The following CPLANE1 variants were observed in gnomAD, a reference collection of about 807,000 sequenced individuals.
CPLANE1 encodes ciliogenesis and planar polarity effector 1.
CPLANE1 carries 263 observed loss-of-function variants against 362.5 expected under a neutral mutation model. The observed-to-expected ratio is 0.73, with a 90% CI of 0.66 to 0.80. The LOEUF is 0.80. CPLANE1 is among the 30% of genes least tolerant of loss of function. The probability of loss-of-function intolerance (pLI) is 0.00; values close to 1 mark genes in which losing one functional copy is unlikely to be tolerated. For missense variants in CPLANE1, 3,461 were observed against 3,793.4 expected (o/e 0.91, Z 2.30); for synonymous variants, 1,212 against 1,302.6 (o/e 0.93, Z 1.50).
Position 37,147,212 on chromosome 5 carries a change from T to C in CPLANE1, c.8461+969A>G, listed in dbSNP as rs994896681. On this transcript the variant is annotated intron_variant, in intron 43 of 52. Transcript: ENST00000651892. ...AACCAACAGAAAATGTTTGGCCTCT[T>C]CAAATAAATGTGGAACATAATGTAA... Among the ~76,000 whole-genome samples, 9 of 152,298 alleles carry C rather than the reference T, an allele frequency of 5.9e-5. No individual in the cohort carries two copies. In the East Asian group the frequency reaches 1.2e-3, roughly 20 times the overall value.
the CPLANE1 span, among the ~76,000 whole-genome samples, chr5:37,100,984 T>A: frequency 9.2e-5 from 14 of 152,222 alleles, no homozygotes; most frequent in Non-Finnish European, 1.2e-4. Context: ...GTGCTCAAGT[T>A]GCTTATCAGC....
chr5:37,206,171 T>C (rs1426125727), intron 17 of CPLANE1, 26 bp downstream of exon 17: 1 of 1,388,198 alleles, frequency 7.2e-7, no homozygotes, highest in East Asian at 2.5e-5. Context: ...TCATACTATA[T>C]CTTAAAATTG....
chr5:37,078,378 GTTC>G, the CPLANE1 span, among the ~76,000 whole-genome samples: 3 of 152,248 alleles, frequency 2.0e-5, no homozygotes, highest in African/African-American at 7.2e-5. Context: ...ACAAGATCTT[GTTC>G]TTTTTTATGG....
rs1250064004 is a variant in CPLANE1 at position 37,162,585 on chromosome 5, T to C, written c.7589-19A>G. 2.6e-6 allele frequency: 4 copies of C among 1,538,240 alleles called. No individual in the cohort carries two copies. In the African/African-American group the frequency reaches 5.5e-5, roughly 21 times the overall value. Reference sequence around the variant, plus strand: ...AGCATTTCTTAAATATAATAAAACATTGGAAGTAATCATTGAGAAGCTAAC... The same window carrying C: ...AGCATTTCTTAAATATAATAAAACACTGGAAGTAATCATTGAGAAGCTAAC... On this transcript the variant is annotated intron_variant, in intron 37 of 52. Coordinates refer to ENST00000651892, the MANE Select transcript of CPLANE1 (RefSeq NM_001384732.1).
In CPLANE1 at chr5:37,181,962, C is replaced by T. The variant is rs147944284; in HGVS notation, c.5421+798G>A. Among the ~76,000 whole-genome samples, 60 of 151,402 alleles carry T rather than the reference C, an allele frequency of 4.0e-4. 1 individual carries two copies. The highest frequency in any genetic ancestry group is 3.5e-3 in the East Asian group (18 of 5,144). On this transcript the variant is annotated intron_variant, in intron 26 of 52. Coordinates refer to ENST00000651892, the MANE Select transcript of CPLANE1 (RefSeq NM_001384732.1). ...CAAAAATTAGTCAGGCGTGGTGGCG[C>T]GTGCCTGTAGTCCCAGCTACTCACA...
the CPLANE1 span, among the ~76,000 whole-genome samples, chr5:37,084,240 CACT>C: frequency 1.3e-5 from 2 of 152,102 alleles, no homozygotes; most frequent in Non-Finnish European, 2.9e-5. Context: ...GAGAATTCAC[CACT>C]ACCAAGCCAC....
Position 37,205,455 on chromosome 5 carries a change from C to A in CPLANE1, c.3150-1G>T, listed in dbSNP as rs606231258. On this transcript the variant is annotated splice_acceptor_variant, in intron 17 of 52. Coordinates refer to ENST00000651892, the MANE Select transcript of CPLANE1 (RefSeq NM_001384732.1). LOFTEE classifies it high-confidence loss of function. ...TAGATTCAGACTCTTTTTCTTGGAC[C>A]TGAAATGACATCAAATTAAGGGAAA... The A allele has an allele frequency of 4.0e-6, 6 of 1,490,654 alleles. No homozygotes were observed. In the South Asian group the frequency reaches 5.6e-5, roughly 14 times the overall value. The allele number at this position is 1,490,654 out of a possible 1,614,324, so 92.3% of individuals were successfully genotyped here. A position where few individuals can be genotyped will look rare whatever the true frequency, so the allele number is the denominator to read the frequency against.
Position 37,239,696 on chromosome 5 carries a change from G to T in CPLANE1, c.834+17C>A, listed in dbSNP as rs763003642. On this transcript the variant is annotated intron_variant, in intron 7 of 52. Transcript: ENST00000651892. ...CCTTCTTTTATAGATTACTTTCTAA[G>T]ACAGATATTTACTGACCTTGGGGTC... 1 of 1,426,842 alleles carries T rather than the reference G, an allele frequency of 7.0e-7. No individual in the cohort carries two copies. The highest frequency in any genetic ancestry group is 1.7e-5 in the South Asian group (1 of 60,090). 88.4% of individuals were successfully genotyped at this position (1,426,842 alleles called of 1,614,324 possible).
chr5:37,093,581 G>A, the CPLANE1 span, among the ~76,000 whole-genome samples: 3 of 152,158 alleles, frequency 2.0e-5, no homozygotes, highest in Non-Finnish European at 2.9e-5. Flanking sequence ...CCACTCCTGG[G>A]GGTCACTCTT....
chr5:37,231,227 T>C lies in CPLANE1; in HGVS notation c.939-178A>G, dbSNP rs149533898. On this transcript the variant is annotated intron_variant, in intron 8 of 52. Coordinates refer to ENST00000651892, the MANE Select transcript of CPLANE1 (RefSeq NM_001384732.1). ...ATTTTACTTCCTAGAACAAAGGAGT[T>C]TGCTCATAAACATCTATTTCAACAA... Among the ~76,000 whole-genome samples, 6 of 152,278 alleles carry C rather than the reference T, an allele frequency of 3.9e-5. No individual in the cohort carries two copies. The East Asian group carries it at 1.2e-3, about 29-fold the overall frequency.
chr5:37,141,418 T>TA (rs1309586920), intron 44 of CPLANE1: 40 of 985,144 alleles, frequency 4.1e-5, no homozygotes, highest in Non-Finnish European at 4.1e-5. Context: ...TTATATATGA[T>TA]ACTCAGTCTT....
chr5:37,201,617 A>G lies in CPLANE1; in HGVS notation c.3481T>C (p.Cys1161Arg), dbSNP rs765095201. ...GLYLPAPPLY[C>R]PQPAILSEED... ...TCACTAAGAATAGCTGGCTGGGGAC[A>G]GTACAATGGAGGAGCTGGAAGATAC... is the stretch of plus-strand genomic sequence containing the variant. Residue 1161 changes from cysteine (C) to arginine (R), a missense_variant, in exon 19 of 53, where the codon TGT becomes CGT. Cys to Arg is a radical substitution (Grantham distance 180). Transcript: ENST00000651892. 2.5e-6 allele frequency: 4 copies of G among 1,614,074 alleles called. No individual in the cohort carries two copies.
Position 37,148,356 on chromosome 5 carries a change from G to C in CPLANE1, c.8374-88C>G, listed in dbSNP as rs1186871219. ...AGTTTTATGTAAGTTTTAAACACTT[G>C]CATTAATGCAAAAGTGAAAAAAATG... On this transcript the variant is annotated intron_variant, in intron 42 of 52. Coordinates refer to ENST00000651892, the MANE Select transcript of CPLANE1 (RefSeq NM_001384732.1). The C allele has an allele frequency of 5.6e-6, 5 of 891,056 alleles. No individual in the cohort carries two copies. The East Asian group carries it at 1.4e-4, about 25-fold the overall frequency. 55.2% of individuals were successfully genotyped at this position (891,056 alleles called of 1,614,324 possible).
chr5:37,168,855 A>G lies in CPLANE1; in HGVS notation c.7169T>C (p.Ile2390Thr). ...TCTTGGGTATTTTCTTTCTTCTGCT[A>G]TAGGTTGGATAGGTGTTGAGGGAAC... ...ITVPSTPIQPIAEERKYPRLS... is the reference protein window; with the variant it reads ...ITVPSTPIQPTAEERKYPRLS... The change falls in exon 34 of 53, where the codon ATA becomes ACA. Residue 2390 changes from isoleucine (I) to threonine (T), a missense_variant. By Grantham distance (89) the Ile-to-Thr change is moderately conservative. Transcript: ENST00000651892. The G allele has an allele frequency of 1.2e-6, 2 of 1,613,912 alleles. No homozygotes were observed. Among genetic ancestry groups the G allele is most frequent in the Non-Finnish European group, 1.7e-6 (2 of 1,179,820 alleles).
At chr5:37,171,778 CTCTCTCTA>C (rs1460881339) in intron 32 of CPLANE1, among the ~76,000 whole-genome samples, 9 of 148,998 alleles carry the variant, frequency 6.0e-5, no homozygotes, top group African/African-American at 2.1e-4. Flanking sequence ...CTCTCTCTCT[CTCTCTCTA>C]TCTATCTATT....
chr5:37,099,076 A>T, the CPLANE1 span, among the ~76,000 whole-genome samples: 1 of 152,130 alleles, frequency 6.6e-6, no homozygotes, highest in Non-Finnish European at 1.5e-5. Flanking sequence ...AAATAGACTT[A>T]AAAAAATACA....
rs751625561 is a variant in CPLANE1, at chr5:37,221,307, G to GA, written c.2746+16dup. The GA allele has an allele frequency of 6.9e-3, 8,746 of 1,276,152 alleles. No homozygotes were observed. Among genetic ancestry groups the GA allele is most frequent in the South Asian group, 0.012 (716 of 59,040 alleles). The allele number at this position is 1,276,152 out of a possible 1,614,324, so 79.1% of individuals were successfully genotyped here. A position where few individuals can be genotyped will look rare whatever the true frequency, so the allele number is the denominator to read the frequency against. ...GTCTCTTTTTAAAAATACAAAGAAA[G>GA]AAAAAAAAAAGCATACCTGAAAAAT... On this transcript the variant is annotated intron_variant, in intron 15 of 52. Coordinates refer to ENST00000651892, the MANE Select transcript of CPLANE1 (RefSeq NM_001384732.1).
the CPLANE1 span, among the ~76,000 whole-genome samples, chr5:37,080,098 C>T: frequency 6.6e-6 from 1 of 152,220 alleles, no homozygotes; most frequent in African/African-American, 2.4e-5. Context: ...TGTCAGCTTT[C>T]TGCTGATATA....
the CPLANE1 span, among the ~76,000 whole-genome samples, chr5:37,092,555 C>A: frequency 4.6e-5 from 7 of 152,186 alleles, no homozygotes; most frequent in African/African-American, 1.4e-4. Flanking sequence ...GACTGGAGTC[C>A]CCATGGCCAT....
Sources: allele counts gnomAD v4.1 joint callset (sites outside exome capture counted in the v4.1 genomes callset), GRCh38; gene constraint gnomAD v4.1.1; transcripts MANE v1.5; gene names NCBI Gene and HGNC (gene_info 2026-07-23, HGNC 2026-07-21).